The following HS6ST2 variants were observed in gnomAD, a reference collection of about 807,000 sequenced individuals.
HS6ST2 encodes the protein heparan sulfate 6-O-sulfotransferase 2.
A neutral mutation model predicts 33.0 loss-of-function variants in HS6ST2; 17 were observed. The observed-to-expected ratio is 0.52, with a 90% CI of 0.35 to 0.77. The LOEUF is 0.77. HS6ST2 is among the 30% of genes least tolerant of loss of function. HS6ST2 has a pLI of 0.01. For missense variants in HS6ST2, 519 were observed against 551.7 expected (o/e 0.94, Z 0.59); for synonymous variants, 248 against 237.1 (o/e 1.05, Z -0.42).
At chrX:132,822,644 G>A (rs2065471427) in intron 2 of HS6ST2, among the ~76,000 whole-genome samples, 1 of 112,176 alleles carries the variant, frequency 8.9e-6, no homozygotes, top group African/African-American at 3.2e-5. Context: ...CTTTACAAGA[G>A]ACATTTACCT....
chrX:132,947,724 G>C (rs1180392481), intron 2 of HS6ST2, among the ~76,000 whole-genome samples: 7 of 111,526 alleles, frequency 6.3e-5, no homozygotes, highest in African/African-American at 2.0e-4. Context: ...TGATAATCTA[G>C]GTCTTAACTG....
intron 2 of HS6ST2, among the ~76,000 whole-genome samples, chrX:132,787,987 CTT>C (rs756697265): frequency 9.0e-6 from 1 of 111,374 alleles, no homozygotes; most frequent in Non-Finnish European, 1.9e-5. Context: ...AGGCATTTCT[CTT>C]TGTTTGGTTA....
At chrX:132,717,582 C>T (rs2064287508) in intron 2 of HS6ST2, among the ~76,000 whole-genome samples, 1 of 112,253 alleles carries the variant, frequency 8.9e-6, no homozygotes, top group African/African-American at 3.2e-5. Context: ...TAATTAACTT[C>T]ATTGTCAAAA....
intron 3 of HS6ST2, among the ~76,000 whole-genome samples, chrX:132,682,446 G>A (rs1352981763): frequency 9.0e-6 from 1 of 111,513 alleles, no homozygotes; most frequent in African/African-American, 3.3e-5. Context: ...GCATATAAGG[G>A]AACAAGATAG....
intron 2 of HS6ST2, among the ~76,000 whole-genome samples, chrX:132,825,543 T>C (rs1262228313): frequency 9.0e-6 from 1 of 111,704 alleles, no homozygotes; most frequent in African/African-American, 3.2e-5. Flanking sequence ...GTAAATGCTC[T>C]GAACTCAGAA....
At chrX:132,778,185 A>G (rs2064982726) in intron 2 of HS6ST2, among the ~76,000 whole-genome samples, 1 of 112,033 alleles carries the variant, frequency 8.9e-6, no homozygotes, top group South Asian at 3.7e-4. Flanking sequence ...AGGCAATCAC[A>G]ACCAAATTAT....
At chrX:132,930,679 A>G (rs968214657) in intron 2 of HS6ST2, among the ~76,000 whole-genome samples, 2 of 111,093 alleles carry the variant, frequency 1.8e-5, no homozygotes, top group Non-Finnish European at 3.8e-5. Flanking sequence ...ACCCTCCCCC[A>G]CCAAAAGACA....
intron 2 of HS6ST2, among the ~76,000 whole-genome samples, chrX:132,840,647 T>C (rs1399528969): frequency 6.3e-5 from 7 of 111,859 alleles, no homozygotes; most frequent in Non-Finnish European, 1.3e-4. Flanking sequence ...CTATTTCTCC[T>C]TTCCTTCCCC....
At chrX:132,642,260 G>T (rs932151002) in intron 4 of HS6ST2, among the ~76,000 whole-genome samples, 2 of 111,536 alleles carry the variant, frequency 1.8e-5, no homozygotes, top group Non-Finnish European at 3.8e-5. Flanking sequence ...TGGAGAAATC[G>T]TTAGAGGAAA....
chrX:132,898,647 A>T lies in HS6ST2; in HGVS notation c.947+58161T>A, dbSNP rs187220546. 1.7e-4 allele frequency among the ~76,000 whole-genome samples: 19 copies of T among 110,590 alleles called. 1 individual carries two copies. The highest frequency in any genetic ancestry group is 6.2e-4 in the African/African-American group (19 of 30,485). Reference sequence around the variant, plus strand: ...CTCAGAGAAGGGGAACAAGTGAGGCACCCCTAAATCTTCCCTAGCTTACTG... The same window carrying T: ...CTCAGAGAAGGGGAACAAGTGAGGCTCCCCTAAATCTTCCCTAGCTTACTG... On this transcript the variant is annotated intron_variant, in intron 2 of 4. Transcript: ENST00000370833.
intron 2 of HS6ST2, among the ~76,000 whole-genome samples, chrX:132,815,718 GC>G (rs2065387912): frequency 9.0e-6 from 1 of 111,520 alleles, no homozygotes; most frequent in Non-Finnish European, 1.9e-5. Flanking sequence ...ATTCTACGAT[GC>G]TATGATAAGT....
chrX:132,794,210 C>G (rs181554255), intron 2 of HS6ST2, among the ~76,000 whole-genome samples: 45 of 111,810 alleles, frequency 4.0e-4, no homozygotes, highest in African/African-American at 1.5e-3. Context: ...TAGATGAAGG[C>G]TTCCTTCTGC....
chrX:132,867,694 T>A (rs1162068280), intron 2 of HS6ST2, among the ~76,000 whole-genome samples: 1 of 111,689 alleles, frequency 9.0e-6, no homozygotes, highest in Non-Finnish European at 1.9e-5. Flanking sequence ...CTGAGCTTCA[T>A]AAGCAAAGGA....
intron 2 of HS6ST2, among the ~76,000 whole-genome samples, chrX:132,934,751 T>A: frequency 9.0e-6 from 1 of 111,393 alleles, no homozygotes; most frequent in East Asian, 2.8e-4. Context: ...CAAAATAAGA[T>A]GGATCAAGCT....
intron 2 of HS6ST2, among the ~76,000 whole-genome samples, chrX:132,762,856 G>A (rs1053536050): frequency 4.5e-5 from 5 of 111,429 alleles, no homozygotes; most frequent in African/African-American, 1.6e-4. Flanking sequence ...GCCAGCAACA[G>A]AGCATCATGG....
At chrX:132,659,455 G>A (rs984875382) in intron 4 of HS6ST2, among the ~76,000 whole-genome samples, 3 of 111,593 alleles carry the variant, frequency 2.7e-5, no homozygotes, top group African/African-American at 9.8e-5. Flanking sequence ...TCAGAGCCAG[G>A]TGCTGGTATT....
At chrX:132,804,062 A>C (rs764871074) in intron 2 of HS6ST2, among the ~76,000 whole-genome samples, 1 of 112,162 alleles carries the variant, frequency 8.9e-6, no homozygotes, top group Admixed American at 9.5e-5. Flanking sequence ...TTGATAATTT[A>C]TATATGAAAA....
intron 2 of HS6ST2, among the ~76,000 whole-genome samples, chrX:132,861,455 C>G (rs2065909933): frequency 8.9e-6 from 1 of 112,132 alleles, no homozygotes; most frequent in Admixed American, 9.4e-5. Context: ...ATTATTAAGT[C>G]AGACTGAATG....
chrX:132,735,481 C>T (rs1377630592), intron 2 of HS6ST2: 2 of 111,886 alleles, frequency 1.8e-5, no homozygotes, highest in Non-Finnish European at 3.8e-5. Flanking sequence ...GTGGGAAAAC[C>T]GACCCGTGAC....
Sources: gnomAD v4.1 joint callset for allele counts (sites outside exome capture counted in the v4.1 genomes callset) on GRCh38, gnomAD v4.1.1 for gene constraint, MANE v1.5 for transcripts, NCBI Gene and HGNC (gene_info 2026-07-23, HGNC 2026-07-21) for gene names.